The following ABCA13 variants were observed in gnomAD, a reference collection of about 807,000 sequenced individuals.
ABCA13 encodes the protein ATP binding cassette subfamily A member 13.
ABCA13 carries 476 observed loss-of-function variants against 478.7 expected under a neutral mutation model. That is an observed-to-expected ratio of 0.99 (90% CI 0.92 to 1.07). The LOEUF is 1.07. Ranked by LOEUF, ABCA13 falls within the 50% of genes least tolerant of loss-of-function variation. ABCA13 has a pLI of 0.00. For missense variants in ABCA13, 6,060 were observed against 5,910.6 expected (o/e 1.03, Z -0.83); for synonymous variants, 2,252 against 2,158.9 (o/e 1.04, Z -1.20).
In ABCA13 at chr7:48,262,748, G is replaced by A. The variant is rs1794364771; in HGVS notation, c.2006-6232G>A. Among the ~76,000 whole-genome samples, 5 of 151,878 alleles carry A rather than the reference G, an allele frequency of 3.3e-5. No individual in the cohort carries two copies. In the South Asian group the frequency reaches 1.0e-3, roughly 31 times the overall value. On this transcript the variant is annotated intron_variant, in intron 15 of 61. Coordinates refer to ENST00000435803, the MANE Select transcript of ABCA13 (RefSeq NM_152701.5). Reference sequence around the variant, plus strand: ...ACATTTAGAGGTGTATGTCAGCATAGAGGTCTGGTGTACAGAGCAGATAAC... The same window carrying A: ...ACATTTAGAGGTGTATGTCAGCATAAAGGTCTGGTGTACAGAGCAGATAAC...
intron 55 of ABCA13, among the ~76,000 whole-genome samples, chr7:48,538,683 C>T (rs1245270558): frequency 2.0e-5 from 3 of 152,102 alleles, no homozygotes; most frequent in Admixed American, 2.0e-4. Context: ...AGAAGTAGAA[C>T]TTTGGTAGCT....
intron 43 of ABCA13, among the ~76,000 whole-genome samples, chr7:48,456,805 T>C (rs1376973045): frequency 6.9e-6 from 1 of 144,028 alleles, no homozygotes; most frequent in African/African-American, 2.7e-5. Context: ...GGTTTATTTA[T>C]TTGTTTTTTT....
intron 41 of ABCA13, among the ~76,000 whole-genome samples, chr7:48,421,242 C>T (rs1195109960): frequency 2.0e-5 from 3 of 151,874 alleles, no homozygotes; most frequent in South Asian, 4.2e-4. Flanking sequence ...CTGTAAATTC[C>T]ACTTTTCTTA....
At chr7:48,204,026 A>AC (rs1373510610) in intron 3 of ABCA13, among the ~76,000 whole-genome samples, 1 of 150,276 alleles carries the variant, frequency 6.7e-6, no homozygotes, top group Non-Finnish European at 1.5e-5. Flanking sequence ...CAACCACCAT[A>AC]CTGCCTGGTT....
At chr7:48,283,121 G>A (rs1797271937) in intron 19 of ABCA13, among the ~76,000 whole-genome samples, 2 of 152,098 alleles carry the variant, frequency 1.3e-5, no homozygotes, top group East Asian at 1.9e-4. Context: ...GTTGTAGAGA[G>A]GAGTCTGGTT....
At chr7:48,486,425 C>A (rs1471733517) in intron 47 of ABCA13, among the ~76,000 whole-genome samples, 1 of 152,196 alleles carries the variant, frequency 6.6e-6, no homozygotes, top group Non-Finnish European at 1.5e-5. Context: ...TGTTTTCACA[C>A]TGTAATATGC....
intron 58 of ABCA13, among the ~76,000 whole-genome samples, chr7:48,602,421 C>T (rs1021862106): frequency 1.3e-5 from 2 of 152,128 alleles, no homozygotes; most frequent in African/African-American, 4.8e-5. Context: ...GGAAGTGATC[C>T]AGTTTCAGCT....
chr7:48,237,220 A>G (rs1371139716), intron 8 of ABCA13, among the ~76,000 whole-genome samples: 1 of 152,138 alleles, frequency 6.6e-6, no homozygotes, highest in Non-Finnish European at 1.5e-5. Context: ...CTTTGGCCCC[A>G]TGACTCCTGA....
At chr7:48,598,481 T>C (rs1040248062) in intron 58 of ABCA13, among the ~76,000 whole-genome samples, 3 of 152,198 alleles carry the variant, frequency 2.0e-5, no homozygotes, top group African/African-American at 7.2e-5. Flanking sequence ...TAAGAGTATG[T>C]TAATTTTTGT....
intron 27 of ABCA13, among the ~76,000 whole-genome samples, chr7:48,330,021 T>A (rs1200870697): frequency 2.1e-5 from 3 of 141,862 alleles, no homozygotes; most frequent in Non-Finnish European, 1.5e-5. Flanking sequence ...ATTCATCCAT[T>A]GATCTATTTA....
At chr7:48,506,452 C>T in intron 49 of ABCA13, 62 bp downstream of exon 49, 1 of 1,573,074 alleles carries the variant, frequency 6.4e-7, no homozygotes, top group South Asian at 1.1e-5. Context: ...CTTTGTGTTA[C>T]TTAGGGATGA....
chr7:48,528,485 T>C (rs1230904058), intron 55 of ABCA13, 140 bp downstream of exon 55: 1 of 601,562 alleles, frequency 1.7e-6, no homozygotes, highest in Non-Finnish European at 2.7e-6. Flanking sequence ...ACCACTCCTC[T>C]GATGTGGGGA....
intron 58 of ABCA13, among the ~76,000 whole-genome samples, chr7:48,614,142 A>G (rs1183397465): frequency 6.6e-6 from 1 of 150,832 alleles, no homozygotes; most frequent in Non-Finnish European, 1.5e-5. Context: ...TTTTCAAAAT[A>G]TCCATTCTTT....
chr7:48,432,346 A>G (rs974235591), intron 42 of ABCA13, among the ~76,000 whole-genome samples: 3 of 152,210 alleles, frequency 2.0e-5, no homozygotes, highest in Non-Finnish European at 4.4e-5. Context: ...TTGTCAAGAA[A>G]AAGGAACTCT....
chr7:48,410,544 A>G lies in ABCA13; in HGVS notation c.12095A>G (p.His4032Arg). ...GGTCGTACGATCATCTTCACAACCC[A>G]CCACCTGGATGAAGCTGAAGCGCTG... ...REGRTIIFTT[H>R]HLDEAEALSD... Residue 4032 changes from histidine to arginine, a missense_variant, in exon 40 of 62, where the codon CAC (histidine) becomes CGC (arginine). Transcript: ENST00000435803. 2.5e-6 allele frequency: 4 copies of G among 1,613,974 alleles called. No individual in the cohort carries two copies. Among genetic ancestry groups the G allele is most frequent in the Non-Finnish European group, 3.4e-6 (4 of 1,179,882 alleles).
intron 23 of ABCA13, among the ~76,000 whole-genome samples, chr7:48,301,119 G>A (rs6583357): frequency 0.74 from 112,347 of 152,116 alleles, 42,225 homozygotes; most frequent in East Asian, 0.99. Flanking sequence ...TTTTTTCACA[G>A]TCCTCAGTGG....
intron 19 of ABCA13, among the ~76,000 whole-genome samples, chr7:48,283,187 G>T (rs902783186): frequency 6.6e-6 from 1 of 152,090 alleles, no homozygotes; most frequent in African/African-American, 2.4e-5. Flanking sequence ...AGAAGAGGAA[G>T]GGTTACCGGC....
At chr7:48,200,443 A>C (rs558103502) in intron 3 of ABCA13, among the ~76,000 whole-genome samples, 1 of 152,190 alleles carries the variant, frequency 6.6e-6, no homozygotes, top group Non-Finnish European at 1.5e-5. Flanking sequence ...TTCCACATCA[A>C]CATCCTCACT....
rs549277025 is a variant in ABCA13, at chr7:48,244,035, AGTT to A, written c.1263-537_1263-535del. 1.8e-4 allele frequency among the ~76,000 whole-genome samples: 28 copies of A among 152,146 alleles called. No individual in the cohort carries two copies. The South Asian group carries it at 5.6e-3, about 30-fold the overall frequency. ...CATTTTCTTTCCAGCTTCTCTTCTCAGTTGTTTCTTCCATGTCTGGAGCCCGTT... is the reference window on the plus strand; with the variant it reads ...CATTTTCTTTCCAGCTTCTCTTCTCAGTTTCTTCCATGTCTGGAGCCCGTT... On this transcript the variant is annotated intron_variant, in intron 10 of 61. Coordinates refer to ENST00000435803, the MANE Select transcript of ABCA13 (RefSeq NM_152701.5).
Sources: allele counts gnomAD v4.1 joint callset (sites outside exome capture counted in the v4.1 genomes callset), GRCh38; gene constraint gnomAD v4.1.1; transcripts MANE v1.5; gene names NCBI Gene and HGNC (gene_info 2026-07-23, HGNC 2026-07-21).